The following DNER variants were observed in gnomAD, a reference collection of about 807,000 sequenced individuals.
DNER encodes the protein delta and Notch-like epidermal growth factor-related receptor.
In DNER, 33 loss-of-function variants were observed where a neutral mutation model predicts 78.2. That is an observed-to-expected ratio of 0.42 (90% CI 0.32 to 0.56). DNER has a LOEUF of 0.56. Among genes scored for constraint, DNER ranks in the 20% least tolerant of loss-of-function variants. The pLI, the probability that DNER is intolerant of heterozygous loss-of-function variation, is 0.11. For missense variants in DNER, 918 were observed against 975.3 expected (o/e 0.94, Z 0.78); for synonymous variants, 417 against 384.8 (o/e 1.08, Z -0.98).
chr2:229,714,122 G>A (rs1452348719), intron 1 of DNER, 26 bp downstream of exon 1: 3 of 1,282,342 alleles, frequency 2.3e-6, no homozygotes, highest in African/African-American at 1.6e-5. Context: ...CCAGCGCCCC[G>A]CACCGCGCCC....
chr2:229,538,834 C>T (rs1197272174), intron 5 of DNER, among the ~76,000 whole-genome samples: 5 of 152,148 alleles, frequency 3.3e-5, no homozygotes, highest in Admixed American at 1.3e-4. Context: ...CCCCCGTGCC[C>T]GGCCCAAGAA....
intron 8 of DNER, among the ~76,000 whole-genome samples, chr2:229,435,756 T>C (rs1574842373): frequency 6.6e-6 from 1 of 152,184 alleles, no homozygotes; most frequent in Non-Finnish European, 1.5e-5. Context: ...TAGAGTAAAA[T>C]TGAAACATGA....
chr2:229,576,517 G>T (rs1452409305), intron 4 of DNER, among the ~76,000 whole-genome samples: 1 of 152,040 alleles, frequency 6.6e-6, no homozygotes, highest in African/African-American at 2.4e-5. Flanking sequence ...TTTTACATAG[G>T]AACAAAATTT....
At chr2:229,540,276 A>G (rs1265598660) in intron 5 of DNER, among the ~76,000 whole-genome samples, 2 of 152,080 alleles carry the variant, frequency 1.3e-5, no homozygotes, top group African/African-American at 2.4e-5. Flanking sequence ...GGGGAACAGC[A>G]TGAGCAAAAC....
chr2:229,697,910 C>T lies in DNER; in HGVS notation c.276+16238G>A, dbSNP rs114538016. ...TGCATGTAGAAGTAGAAGAGCAGGG[C>T]TGGGCACATTGGTTCACGCCTGTAA... On this transcript the variant is annotated intron_variant, in intron 1 of 12. Coordinates refer to ENST00000341772, the MANE Select transcript of DNER (RefSeq NM_139072.4). 5.3e-3 allele frequency among the ~76,000 whole-genome samples: 813 copies of T among 152,280 alleles called. 11 individuals carry two copies. Among genetic ancestry groups the T allele is most frequent in the African/African-American group, 0.019 (784 of 41,564 alleles).
chr2:229,627,605 G>T, intron 1 of DNER, among the ~76,000 whole-genome samples: 1 of 152,200 alleles, frequency 6.6e-6, no homozygotes, highest in East Asian at 1.9e-4. Flanking sequence ...ATGAAACCAT[G>T]ATCAGGATGC....
At chr2:229,375,516 T>C (rs933602) in intron 11 of DNER, among the ~76,000 whole-genome samples, 17,693 of 152,172 alleles carry the variant, frequency 0.12, 1,826 homozygotes, top group East Asian at 0.53. Flanking sequence ...TTCCTGGTGT[T>C]CCAAGTATGT....
At chr2:229,644,655 G>A (rs557154690) in intron 1 of DNER, among the ~76,000 whole-genome samples, 1 of 152,158 alleles carries the variant, frequency 6.6e-6, no homozygotes, top group South Asian at 2.1e-4. Context: ...ATTGTGTTAA[G>A]TATAGATGCT....
intron 6 of DNER, among the ~76,000 whole-genome samples, chr2:229,497,558 A>G (rs1435965852): frequency 6.6e-5 from 10 of 152,148 alleles, no homozygotes; most frequent in Non-Finnish European, 1.3e-4. Context: ...CTAGACTAAC[A>G]AAGTAAAAAA....
intron 4 of DNER, among the ~76,000 whole-genome samples, chr2:229,559,862 C>T (rs1483469652): frequency 1.3e-5 from 2 of 152,294 alleles, no homozygotes; most frequent in Middle Eastern, 3.4e-3. Context: ...TCCTCCTTCC[C>T]CACTCTCCTA....
intron 12 of DNER, among the ~76,000 whole-genome samples, chr2:229,363,901 G>C (rs1304611623): frequency 3.3e-5 from 5 of 150,586 alleles, no homozygotes; most frequent in Middle Eastern, 3.5e-3. Flanking sequence ...CATGGATTCT[G>C]CTCCCTCCTG....
Position 229,588,421 on chromosome 2 carries a change from A to T in DNER, c.653T>A (p.Phe218Tyr), listed in dbSNP as rs763849100. ...GACTGAGGTGTTCTGTGGCACTTCA[A>T]AGGATACCAGGCGGCCACCCGCAGA... ...NSSAGGRLVS[F>Y]EVPQNTSVKI... The change falls in exon 3 of 13, where the codon TTT (phenylalanine) becomes TAT (tyrosine). Residue 218 changes from phenylalanine (F) to tyrosine (Y), a missense_variant. Transcript: ENST00000341772. 2 of 1,613,206 alleles carry T rather than the reference A, an allele frequency of 1.2e-6. No homozygotes were observed. The highest frequency in any genetic ancestry group is 1.7e-6 in the Non-Finnish European group (2 of 1,179,514).
chr2:229,564,044 TCAA>T (rs1188395874), intron 4 of DNER, among the ~76,000 whole-genome samples: 5 of 141,986 alleles, frequency 3.5e-5, no homozygotes, highest in African/African-American at 5.3e-5. Context: ...ACCATCATCA[TCAA>T]CACCATCACC....
chr2:229,367,159 C>T, intron 11 of DNER, 40 bp from the exon 12 acceptor site: 1 of 1,611,034 alleles, frequency 6.2e-7, no homozygotes, highest in Non-Finnish European at 8.5e-7. Flanking sequence ...TATGAGTTGT[C>T]ACCTTTGAGA....
chr2:229,515,265 A>G (rs2154212382), intron 5 of DNER, among the ~76,000 whole-genome samples: 1 of 152,294 alleles, frequency 6.6e-6, no homozygotes, highest in South Asian at 2.1e-4. Flanking sequence ...ACTGTCTTCT[A>G]AGGACAATCT....
At chr2:229,408,541 A>C (rs1693440023) in intron 9 of DNER, among the ~76,000 whole-genome samples, 1 of 152,174 alleles carries the variant, frequency 6.6e-6, no homozygotes, top group Non-Finnish European at 1.5e-5. Flanking sequence ...CAAGAAAAAT[A>C]TGCATAAAGC....
chr2:229,580,450 G>A (rs1279998470), intron 4 of DNER: 2 of 152,108 alleles, frequency 1.3e-5, no homozygotes, highest in Non-Finnish European at 2.9e-5. Context: ...TTTAATAAAT[G>A]TACTGAAACT....
chr2:229,532,479 C>G (rs1696323904), intron 5 of DNER, among the ~76,000 whole-genome samples: 1 of 151,864 alleles, frequency 6.6e-6, no homozygotes, highest in South Asian at 2.1e-4. Context: ...CCAAACTTAT[C>G]AAAAAGGCAA....
intron 4 of DNER, among the ~76,000 whole-genome samples, chr2:229,552,678 T>C (rs1696770902): frequency 6.6e-6 from 1 of 152,214 alleles, no homozygotes; most frequent in Non-Finnish European, 1.5e-5. Context: ...TCCCAATCCC[T>C]GCGGAACTGT....
Sources: gnomAD v4.1 joint callset for allele counts (sites outside exome capture counted in the v4.1 genomes callset) on GRCh38, gnomAD v4.1.1 for gene constraint, MANE v1.5 for transcripts, NCBI Gene and HGNC (gene_info 2026-07-23, HGNC 2026-07-21) for gene names.